MBOAT2: variants seen among roughly 807,000 people sequenced by gnomAD.
MBOAT2 encodes the protein membrane-bound glycerophospholipid O-acyltransferase 2.
MBOAT2 carries 28 observed loss-of-function variants against 63.4 expected under a neutral mutation model. That is an observed-to-expected ratio of 0.44 (90% confidence interval 0.33 to 0.61). The LOEUF (loss-of-function observed/expected upper bound fraction) is 0.61, where lower values mean the gene tolerates loss of function less well. MBOAT2 is among the 20% of genes least tolerant of loss of function. MBOAT2 has a pLI of 0.03. For synonymous variants in MBOAT2, 211 were observed against 215.6 expected, an observed-to-expected ratio of 0.98 and a Z score of 0.19; for missense variants, 470 against 605.8, an observed-to-expected ratio of 0.78 and a Z score of 2.35.
At chr2:8,922,790 A>T (rs1228292594) in intron 3 of MBOAT2, among the ~76,000 whole-genome samples, 1 of 152,048 alleles carries the variant, frequency 6.6e-6, no homozygotes, top group East Asian at 1.9e-4. Context: ...GTGTGTGGAG[A>T]TCTTATCAAG....
chr2:8,863,468 C>T (rs945007859), intron 10 of MBOAT2, among the ~76,000 whole-genome samples: 5 of 152,180 alleles, frequency 3.3e-5, no homozygotes, highest in African/African-American at 1.2e-4. Flanking sequence ...TGTTCCCCAG[C>T]TCTGTCCTTC....
chr2:8,958,291 T>C (rs1223519730), intron 2 of MBOAT2, among the ~76,000 whole-genome samples: 1 of 152,202 alleles, frequency 6.6e-6, no homozygotes, highest in East Asian at 1.9e-4. Flanking sequence ...AAATAGTAAA[T>C]TTTCCTCTAA....
chr2:8,943,265 C>CTT lies in MBOAT2; in HGVS notation c.222-2_222-1insAA. ...TTGTACAAGAAAGTGTAAGGCATAC[C>CTT]TATAAAAAGTAAGAGCACTATTAGA... On this transcript the variant is annotated splice_acceptor_variant, in intron 2 of 12. Transcript: ENST00000305997. LOFTEE classifies it high-confidence loss of function. 6.5e-7 allele frequency: 1 copy of CTT among 1,546,434 alleles called. No individual in the cohort carries two copies.
intron 1 of MBOAT2, among the ~76,000 whole-genome samples, chr2:8,969,796 G>C (rs535467513): frequency 6.6e-6 from 1 of 152,148 alleles, no homozygotes; most frequent in African/African-American, 2.4e-5. Context: ...ATGGTAAAGG[G>C]ATCAATTCAA....
chr2:8,904,122 G>A (rs1471534531), intron 4 of MBOAT2, among the ~76,000 whole-genome samples: 1 of 151,890 alleles, frequency 6.6e-6, no homozygotes, highest in Non-Finnish European at 1.5e-5. Context: ...GATTACAGTT[G>A]TGCGCCACCA....
chr2:8,967,989 A>G (rs904971399), intron 1 of MBOAT2, among the ~76,000 whole-genome samples: 1 of 152,132 alleles, frequency 6.6e-6, no homozygotes, highest in African/African-American at 2.4e-5. Flanking sequence ...GACGCAGAAG[A>G]CAGGTGATTT....
chr2:8,985,666 C>G (rs1007206011), intron 1 of MBOAT2, among the ~76,000 whole-genome samples: 2 of 152,078 alleles, frequency 1.3e-5, no homozygotes, highest in Non-Finnish European at 2.9e-5. Context: ...TTCTCATAAC[C>G]ACATTCAATC....
chr2:8,951,172 T>C (rs974222048), intron 2 of MBOAT2, among the ~76,000 whole-genome samples: 1 of 152,002 alleles, frequency 6.6e-6, no homozygotes, highest in Non-Finnish European at 1.5e-5. Context: ...CTCCTCAATT[T>C]TTTTGTAATA....
At chr2:8,998,249 A>G (rs1672444797) in intron 1 of MBOAT2, among the ~76,000 whole-genome samples, 1 of 152,212 alleles carries the variant, frequency 6.6e-6, no homozygotes, top group African/African-American at 2.4e-5. Flanking sequence ...GGAATCGTTC[A>G]CAGCAGACTC....
At chr2:8,944,721 T>C (rs929444377) in intron 2 of MBOAT2, among the ~76,000 whole-genome samples, 8 of 151,176 alleles carry the variant, frequency 5.3e-5, no homozygotes, top group Non-Finnish European at 1.0e-4. Flanking sequence ...ACCATTATAA[T>C]CAGAGGAAGC....
In MBOAT2 at chr2:8,858,919, G is replaced by A; in HGVS notation, c.1338-15C>T. On this transcript the variant is annotated splice_polypyrimidine_tract_variant and intron_variant, in intron 12 of 12. Coordinates refer to ENST00000305997, the MANE Select transcript of MBOAT2 (RefSeq NM_138799.4). ...AATACCAGGAGCTAAAAGAAAAAGG[G>A]AAAAAGTTTATTAAAACTTGATAAT... 3 of 1,565,076 alleles carry A rather than the reference G, an allele frequency of 1.9e-6. No homozygotes were observed. Among genetic ancestry groups the A allele is most frequent in the Non-Finnish European group, 2.6e-6 (3 of 1,152,204 alleles).
chr2:8,865,156 T>C (rs145076871), intron 9 of MBOAT2, among the ~76,000 whole-genome samples: 1 of 152,180 alleles, frequency 6.6e-6, no homozygotes, highest in Non-Finnish European at 1.5e-5. Flanking sequence ...CTCCTCTTCC[T>C]GAAAAAAGCT....
intron 1 of MBOAT2, among the ~76,000 whole-genome samples, chr2:8,992,757 C>A (rs1354229541): frequency 1.3e-5 from 2 of 152,222 alleles, no homozygotes; most frequent in Admixed American, 1.3e-4. Context: ...AACGCCTAGA[C>A]AGAAGCAAGG....
At position 8,857,989 on chromosome 2, in the gene MBOAT2, T is replaced by C. The variant is rs1661218235; in HGVS notation, c.*690A>G. On this transcript the variant is annotated 3_prime_UTR_variant, in exon 13 of 13. Transcript: ENST00000305997. ...TCTCATTATGTTTTAAGAGATTCCT[T>C]CTGGAAGCGCTCTTTGACTGCACAA... is the stretch of plus-strand genomic sequence containing the variant. The C allele has an allele frequency of 6.6e-6, 1 of 152,650 alleles. No individual in the cohort carries two copies. The highest frequency in any genetic ancestry group is 2.4e-5 in the African/African-American group (1 of 41,450). The allele number at this position is 152,650 out of a possible 1,614,324, so 9.5% of individuals were successfully genotyped here. A position where few individuals can be genotyped will look rare whatever the true frequency, so the allele number is the denominator to read the frequency against.
Position 8,852,987 on chromosome 2 carries a change from T to C in MBOAT2, c.*5692A>G, listed in dbSNP as rs995471302. 1 of 152,212 alleles carries C rather than the reference T, an allele frequency of 6.6e-6. No individual in the cohort carries two copies. The highest frequency in any genetic ancestry group is 1.5e-5 in the Non-Finnish European group (1 of 68,030). 9.4% of individuals were successfully genotyped at this position (152,212 alleles called of 1,614,324 possible). A position where few individuals can be genotyped will look rare whatever the true frequency, so the allele number is the denominator to read the frequency against. On this transcript the variant is annotated 3_prime_UTR_variant, in exon 13 of 13. Transcript: ENST00000305997. ...AAAACAGAAAGCACAGAACACCACATTCTATTCTCAACTTGGGAAGGCAAA... is the reference window on the plus strand; with the variant it reads ...AAAACAGAAAGCACAGAACACCACACTCTATTCTCAACTTGGGAAGGCAAA...
At chr2:8,915,787 A>T (rs1666127959) in intron 3 of MBOAT2, among the ~76,000 whole-genome samples, 1 of 152,208 alleles carries the variant, frequency 6.6e-6, no homozygotes, top group Non-Finnish European at 1.5e-5. Context: ...TAAAATCCAG[A>T]CCGACCTGGA....
intron 7 of MBOAT2, among the ~76,000 whole-genome samples, chr2:8,874,862 C>T (rs1166185265): frequency 2.0e-5 from 3 of 152,134 alleles, no homozygotes; most frequent in African/African-American, 7.2e-5. Context: ...TTGGTGCACC[C>T]GAGTGTGGCT....
chr2:8,913,189 G>A (rs1036772364), intron 3 of MBOAT2, among the ~76,000 whole-genome samples: 1 of 152,106 alleles, frequency 6.6e-6, no homozygotes, highest in Non-Finnish European at 1.5e-5. Flanking sequence ...ATCAACTCAA[G>A]ATGGATTAAG....
chr2:8,859,449 A>G (rs1320941192), intron 12 of MBOAT2, among the ~76,000 whole-genome samples: 1 of 152,250 alleles, frequency 6.6e-6, no homozygotes, highest in East Asian at 1.9e-4. Flanking sequence ...CTCAAATTAT[A>G]TAAACCAAAT....
Sources: allele counts gnomAD v4.1 joint callset (sites outside exome capture counted in the v4.1 genomes callset), GRCh38; gene constraint gnomAD v4.1.1; transcripts MANE v1.5; gene names NCBI Gene and HGNC (gene_info 2026-07-23, HGNC 2026-07-21).